Variants in CCDC171 observed in about 807,000 individuals in gnomAD.
CCDC171 encodes the protein coiled-coil domain containing 171.
Under a neutral mutation model 168.2 loss-of-function variants are expected in CCDC171, and 177 were observed. The observed-to-expected ratio is 1.05, with a 90% CI of 0.93 to 1.19. CCDC171 has a LOEUF of 1.19. Ranked by LOEUF, CCDC171 falls within the 50% of genes most tolerant of loss-of-function variation. CCDC171 has a pLI of 0.00. For synonymous variants in CCDC171, 687 were observed against 540.8 expected, an observed-to-expected ratio of 1.27 and a Z score of -3.75; for missense variants, 1,991 against 1,539.0, an observed-to-expected ratio of 1.29 and a Z score of -4.91.
chr9:15,705,490 T>C (rs1204335706), intron 11 of CCDC171, among the ~76,000 whole-genome samples: 1 of 152,206 alleles, frequency 6.6e-6, no homozygotes, highest in East Asian at 1.9e-4. Context: ...CCAAGCATGC[T>C]TTTGCCTTAG....
At chr9:15,565,348 C>CA (rs2039647991) in intron 2 of CCDC171, among the ~76,000 whole-genome samples, 1 of 152,060 alleles carries the variant, frequency 6.6e-6, no homozygotes, top group African/African-American at 2.4e-5. Flanking sequence ...ATCAATGTAT[C>CA]AAAGTTTTTA....
intron 2 of CCDC171, among the ~76,000 whole-genome samples, chr9:15,565,720 T>G (rs1426527015): frequency 6.6e-6 from 1 of 152,234 alleles, no homozygotes; most frequent in Non-Finnish European, 1.5e-5. Flanking sequence ...CTGATTGTAT[T>G]CCATTGTATG....
chr9:15,639,267 C>G (rs1393403958), intron 7 of CCDC171, among the ~76,000 whole-genome samples: 1 of 151,908 alleles, frequency 6.6e-6, no homozygotes, highest in Non-Finnish European at 1.5e-5. Context: ...ATGATGAAAT[C>G]ACCTGTGTTA....
intron 25 of CCDC171, among the ~76,000 whole-genome samples, chr9:15,951,087 A>G (rs1439489436): frequency 1.3e-5 from 2 of 149,426 alleles, no homozygotes; most frequent in East Asian, 4.1e-4. Flanking sequence ...TCCTAAATAT[A>G]TATGCACCCA....
chr9:15,611,145 A>G (rs2043655991), intron 6 of CCDC171, among the ~76,000 whole-genome samples: 1 of 152,130 alleles, frequency 6.6e-6, no homozygotes, highest in South Asian at 2.1e-4. Flanking sequence ...TGATCTGGCC[A>G]TGTGACGTGC....
At chr9:15,949,588 A>G (rs1828866580) in intron 25 of CCDC171, among the ~76,000 whole-genome samples, 2 of 152,180 alleles carry the variant, frequency 1.3e-5, no homozygotes, top group Admixed American at 6.5e-5. Flanking sequence ...GAGTTCACTC[A>G]TGATTTGGAT....
intron 4 of CCDC171, among the ~76,000 whole-genome samples, chr9:15,580,363 A>T (rs2041013668): frequency 6.6e-6 from 1 of 152,284 alleles, no homozygotes; most frequent in South Asian, 2.1e-4. Flanking sequence ...AGATAAATAG[A>T]TCTTTAAACT....
At chr9:15,723,596 A>C (rs537438936) in intron 12 of CCDC171, 85 bp from the exon 13 acceptor site, 1 of 881,720 alleles carries the variant, frequency 1.1e-6, no homozygotes, top group Non-Finnish European at 1.8e-6. Context: ...CTTAAAGATT[A>C]ACTTTTGAGT....
intron 11 of CCDC171, among the ~76,000 whole-genome samples, chr9:15,716,644 T>C (rs940298008): frequency 2.6e-5 from 4 of 152,024 alleles, no homozygotes; most frequent in African/African-American, 4.8e-5. Flanking sequence ...AAATCCAAGA[T>C]TGAGGGGCCA....
At chr9:15,908,339 G>C (rs1356444555) in intron 24 of CCDC171, among the ~76,000 whole-genome samples, 1 of 152,138 alleles carries the variant, frequency 6.6e-6, no homozygotes, top group Non-Finnish European at 1.5e-5. Flanking sequence ...AAAATGATGA[G>C]TTCATGTCCT....
intron 3 of CCDC171, 72 bp downstream of exon 3, chr9:15,571,831 A>G (rs1458901416): frequency 4.3e-5 from 58 of 1,363,154 alleles, no homozygotes; most frequent in Non-Finnish European, 5.6e-5. Flanking sequence ...CATATGAAAA[A>G]CTCCATGTTT....
Position 15,608,978 on chromosome 9 carries a change from G to T in CCDC171, c.676-14289G>T, listed in dbSNP as rs1374217181. On this transcript the variant is annotated intron_variant, in intron 6 of 25. Transcript: ENST00000380701. ...AAAAAAAAAAAAAAAAAAAAGAGTG[G>T]TTTTTTTTTAAAAAATATATTTAGT... 1.8e-3 allele frequency among the ~76,000 whole-genome samples: 226 copies of T among 124,166 alleles called. 2 individuals carry two copies. Among genetic ancestry groups the T allele is most frequent in the African/African-American group, 3.8e-3 (128 of 33,690 alleles). The allele number at this position is 124,166 out of a possible 152,430, so 81.5% of individuals were successfully genotyped here. A position where few individuals can be genotyped will look rare whatever the true frequency, so the allele number is the denominator to read the frequency against.
chr9:15,777,026 A>G (rs2057364143), intron 18 of CCDC171, among the ~76,000 whole-genome samples: 1 of 152,236 alleles, frequency 6.6e-6, no homozygotes, highest in Admixed American at 6.5e-5. Flanking sequence ...AATTAGTAGA[A>G]AGAGCACTGA....
intron 3 of CCDC171, among the ~76,000 whole-genome samples, chr9:15,985,037 A>AT (rs1391682049): frequency 6.6e-6 from 1 of 152,170 alleles, no homozygotes; most frequent in African/African-American, 2.4e-5. Context: ...CAGTGGTAGA[A>AT]TTATGAATAA....
chr9:16,028,436 T>C (rs1833313369), intron 6 of CCDC171, among the ~76,000 whole-genome samples: 1 of 152,162 alleles, frequency 6.6e-6, no homozygotes, highest in South Asian at 2.1e-4. Context: ...TTTTCACAGA[T>C]AAAGTCTAGT....
intron 10 of CCDC171, among the ~76,000 whole-genome samples, chr9:15,689,829 A>G (rs547570275): frequency 1.8e-4 from 27 of 152,332 alleles, no homozygotes; most frequent in African/African-American, 5.8e-4. Flanking sequence ...TCAAGATAGT[A>G]TGGTACTAGC....
chr9:15,622,440 C>A (rs746472344), intron 6 of CCDC171, among the ~76,000 whole-genome samples: 1 of 152,112 alleles, frequency 6.6e-6, no homozygotes, highest in Non-Finnish European at 1.5e-5. Context: ...TACTCAGATT[C>A]TAATGGTATC....
intron 25 of CCDC171, among the ~76,000 whole-genome samples, chr9:15,942,172 A>G (rs186238121): frequency 2.0e-5 from 3 of 151,968 alleles, no homozygotes; most frequent in South Asian, 4.1e-4. Context: ...TAGAAGTGCT[A>G]TGTGAGTAGG....
At chr9:15,606,570 A>G (rs900574283) in intron 6 of CCDC171, among the ~76,000 whole-genome samples, 2 of 152,196 alleles carry the variant, frequency 1.3e-5, no homozygotes, top group Non-Finnish European at 2.9e-5. Flanking sequence ...CTATATTGAT[A>G]TATTTTATAA....
Sources: gnomAD v4.1 joint callset for allele counts (sites outside exome capture counted in the v4.1 genomes callset) on GRCh38, gnomAD v4.1.1 for gene constraint, MANE v1.5 for transcripts, NCBI Gene and HGNC (gene_info 2026-07-23, HGNC 2026-07-21) for gene names.